MID1: variants seen among roughly 807,000 people sequenced by gnomAD.
MID1 encodes the protein midline 1.
Under a neutral mutation model 40.4 loss-of-function variants are expected in MID1, and 7 were observed. The ratio of observed to expected loss-of-function variants is 0.17; its 90% CI spans 0.10 to 0.33. MID1 has a LOEUF of 0.33. Ranked by LOEUF, MID1 falls within the 10% of genes least tolerant of loss-of-function variation. The probability of loss-of-function intolerance (pLI) is 1.00; values close to 1 mark genes in which losing one functional copy is unlikely to be tolerated. For missense variants in MID1, 367 were observed against 558.5 expected, an observed-to-expected ratio of 0.66 and a Z score of 3.46; for synonymous variants, 229 against 221.2, an observed-to-expected ratio of 1.04 and a Z score of -0.31.
At chrX:10,713,337 T>G (rs2147090490) in intron 1 of MID1, among the ~76,000 whole-genome samples, 1 of 108,616 alleles carries the variant, frequency 9.2e-6, no homozygotes, top group South Asian at 4.2e-4. Flanking sequence ...TTTTTTTTTT[T>G]TTTTGAGACA....
intron 1 of MID1, among the ~76,000 whole-genome samples, chrX:10,636,499 G>T (rs1352689245): frequency 9.1e-6 from 1 of 109,670 alleles, no homozygotes; most frequent in Non-Finnish European, 1.9e-5. Flanking sequence ...AGGTTTCACC[G>T]TTGGGATTTG....
At chrX:10,611,218 T>C (rs964135251) in intron 1 of MID1, among the ~76,000 whole-genome samples, 1 of 112,287 alleles carries the variant, frequency 8.9e-6, no homozygotes. Flanking sequence ...GTAAATTTGA[T>C]GTAAGTTGAT....
intron 1 of MID1, among the ~76,000 whole-genome samples, chrX:10,714,531 G>A (rs1314258820): frequency 1.8e-5 from 2 of 112,725 alleles, no homozygotes; most frequent in East Asian, 5.5e-4. Flanking sequence ...CACTAGCAGA[G>A]CCTCTTTAAA....
rs1009582104 is a variant in MID1, at chrX:10,808,727, T to G, written c.-187+24827A>C. ...GCTGGGAAAACTGGCTAGCCATATG[T>G]AGAAAGCTGAAACTGGATCCCTTCC... On this transcript the variant is annotated intron_variant, in intron 1 of 10. Coordinates refer to the MID1 transcript ENST00000380785. Among the ~76,000 whole-genome samples, 6 of 110,740 alleles carry G rather than the reference T, an allele frequency of 5.4e-5. No homozygotes were observed. In the East Asian group the frequency reaches 1.4e-3, roughly 26 times the overall value.
At chrX:10,708,188 A>G (rs1462101629) in intron 1 of MID1, among the ~76,000 whole-genome samples, 1 of 112,872 alleles carries the variant, frequency 8.9e-6, no homozygotes, top group South Asian at 3.6e-4. Flanking sequence ...AATCATAAAA[A>G]TGAATGTCTG....
chrX:10,601,907 T>G (rs5979330), intron 1 of MID1, among the ~76,000 whole-genome samples: 1,718 of 107,361 alleles, frequency 0.016, 17 homozygotes, highest in African/African-American at 0.027. Context: ...TTTTGTTTTT[T>G]TTTTTTTGAG....
rs1246653372 is a variant in MID1 at position 10,565,459 on chromosome X, A to G, written c.660+1429T>C. On this transcript the variant is annotated intron_variant, in intron 2 of 9. Transcript: ENST00000317552. ...GTCCCAGTAAACACAACCACCCATT[A>G]GCGCTAAGGAGAGGTGATAGAAACC... 3 of 329,766 alleles carry G rather than the reference A, an allele frequency of 9.1e-6. No homozygotes were observed. The Admixed American group carries it at 9.4e-5, about 10-fold the overall frequency. The allele number at this position is 329,766 out of a possible 1,213,427, so 27.2% of individuals were successfully genotyped here.
At position 10,724,948 on chromosome X, in the gene MID1, C is replaced by T. The variant is rs145827916; in HGVS notation, c.-186-104529G>A. 2.9e-3 allele frequency among the ~76,000 whole-genome samples: 328 copies of T among 112,030 alleles called. 2 individuals are homozygous for T. Among genetic ancestry groups the T allele is most frequent in the Non-Finnish European group, 4.9e-3 (263 of 53,228 alleles). ...AATTTGTGTGTCTCTCTGCAAACCT[C>T]GTTCAAGATGTCAGATGAAACCTGT... On this transcript the variant is annotated intron_variant, in intron 1 of 10. Transcript: ENST00000380785.
intron 3 of MID1, among the ~76,000 whole-genome samples, chrX:10,517,538 G>A (rs934331012): frequency 5.3e-5 from 6 of 112,356 alleles, no homozygotes; most frequent in Non-Finnish European, 5.6e-5. Flanking sequence ...ACTCACACAG[G>A]TCTATGTGTT....
intron 1 of MID1, among the ~76,000 whole-genome samples, chrX:10,724,207 C>T (rs2043375675): frequency 1.8e-5 from 2 of 111,138 alleles, no homozygotes; most frequent in African/African-American, 6.6e-5. Flanking sequence ...GCTATAGGCA[C>T]GCACCACCAC....
chrX:10,707,206 C>G lies in MID1; in HGVS notation c.-186-86787G>C, dbSNP rs752675232. 3.6e-5 allele frequency among the ~76,000 whole-genome samples: 4 copies of G among 111,941 alleles called. No homozygotes were observed. In the South Asian group the frequency reaches 1.5e-3, roughly 42 times the overall value. On this transcript the variant is annotated intron_variant, in intron 1 of 10. Transcript: ENST00000380785. Reference sequence around the variant, plus strand: ...TTTTTCAGGTCTTCTGAGAGGCTTCCCTCTACACAGCAACTCATAGACCTG... The same window carrying G: ...TTTTTCAGGTCTTCTGAGAGGCTTCGCTCTACACAGCAACTCATAGACCTG...
intron 1 of MID1, among the ~76,000 whole-genome samples, chrX:10,568,202 TATATTCCTGAGAAAAA>T (rs1934626383): frequency 8.9e-6 from 1 of 111,861 alleles, no homozygotes; most frequent in Non-Finnish European, 1.9e-5. Context: ...TTTTCCAAAA[TATATTCCTGAGAAAAA>T]ACATTGACTT....
intron 1 of MID1, among the ~76,000 whole-genome samples, chrX:10,641,817 C>T (rs755065413): frequency 9.9e-5 from 11 of 111,640 alleles, no homozygotes; most frequent in South Asian, 7.7e-4. Flanking sequence ...GTTTATCCAC[C>T]GCGATCAAGT....
intron 1 of MID1, among the ~76,000 whole-genome samples, chrX:10,762,557 C>A (rs1444279547): frequency 9.1e-6 from 1 of 110,109 alleles, no homozygotes; most frequent in Non-Finnish European, 1.9e-5. Flanking sequence ...CCTCAGCCCC[C>A]CAAGTAGTTG....
At chrX:10,620,793 A>G (rs1391930212), upstream of MID1, among the ~76,000 whole-genome samples, 1 of 112,543 alleles carries the variant, frequency 8.9e-6, no homozygotes, top group African/African-American at 3.2e-5. Flanking sequence ...TAGTTCTGCT[A>G]AAAGCTTAAC....
At chrX:10,652,897 G>A (rs1465072213) in intron 1 of MID1, among the ~76,000 whole-genome samples, 7 of 112,020 alleles carry the variant, frequency 6.2e-5, no homozygotes, top group Non-Finnish European at 9.4e-5. Context: ...CACCTTACAC[G>A]AAAGGGTAAC....
rs147403397 is a variant in MID1 at position 10,728,673 on chromosome X, A to G, written c.-187+104881T>C. ...GGCTATTTGGAGATGTTTGTGCAGCACATGCTCATTACTATGTCTGGCCCA... is the reference window on the plus strand; with the variant it reads ...GGCTATTTGGAGATGTTTGTGCAGCGCATGCTCATTACTATGTCTGGCCCA... On this transcript the variant is annotated intron_variant, in intron 1 of 10. Transcript: ENST00000380785. 6.1e-3 allele frequency among the ~76,000 whole-genome samples: 683 copies of G among 112,088 alleles called. 11 individuals carry two copies. Among genetic ancestry groups the G allele is most frequent in the African/African-American group, 0.021 (643 of 30,886 alleles).
chrX:10,659,965 T>C (rs769292587), intron 1 of MID1, among the ~76,000 whole-genome samples: 1 of 112,407 alleles, frequency 8.9e-6, no homozygotes, highest in South Asian at 3.7e-4. Context: ...TTGGGATGTA[T>C]GTTGCATTCC....
intron 4 of MID1, among the ~76,000 whole-genome samples, chrX:10,494,771 C>CAAAA (rs58092232): frequency 6.3e-5 from 2 of 31,864 alleles, no homozygotes; most frequent in Non-Finnish European, 7.1e-5. Flanking sequence ...AAGACTGTCT[C>CAAAA]AAAAAAAAAA....
Sources: allele counts gnomAD v4.1 joint callset (sites outside exome capture counted in the v4.1 genomes callset), GRCh38; gene constraint gnomAD v4.1.1; transcripts MANE v1.5; gene names NCBI Gene and HGNC (gene_info 2026-07-23, HGNC 2026-07-21).